Variants in TXK observed in about 807,000 individuals in gnomAD.
TXK encodes the protein TXK tyrosine kinase.
TXK carries 60 observed loss-of-function variants against 81.0 expected under a neutral mutation model. The ratio of observed to expected loss-of-function variants is 0.74; its 90% CI spans 0.60 to 0.92. TXK has a LOEUF of 0.92. Among genes scored for constraint, TXK ranks in the 40% least tolerant of loss-of-function variants. The pLI is 0.00. For missense variants in TXK, 581 were observed against 638.3 expected (o/e 0.91, Z 0.97); for synonymous variants, 203 against 210.7 (o/e 0.96, Z 0.32).
rs576051271 is a variant in TXK, at chr4:48,082,078, G to T, written c.957-1950C>A. Among the ~76,000 whole-genome samples the T allele has an allele frequency of 6.6e-5, 10 of 152,220 alleles. 1 individual carries two copies. Among genetic ancestry groups the T allele is most frequent in the African/African-American group, 2.2e-4 (9 of 41,520 alleles). On this transcript the variant is annotated intron_variant, in intron 10 of 14. Coordinates refer to ENST00000264316, the MANE Select transcript of TXK (RefSeq NM_003328.3). ...TGATAATTATGTTCATTAAGATCAG[G>T]GTTTTTGTGCCCAGATAGTTCACAG...
intron 6 of TXK, among the ~76,000 whole-genome samples, chr4:48,101,081 G>T (rs1718174126): frequency 6.6e-6 from 1 of 152,020 alleles, no homozygotes; most frequent in Admixed American, 6.5e-5. Context: ...GTGGCTTGCA[G>T]ACAAGATGGA....
chr4:48,126,902 C>T (rs1187410991), intron 1 of TXK, among the ~76,000 whole-genome samples: 1 of 152,234 alleles, frequency 6.6e-6, no homozygotes, highest in African/African-American at 2.4e-5. Flanking sequence ...CCTCACAACA[C>T]ATGGCCACAC....
chr4:48,131,328 T>C (rs1719242914), intron 1 of TXK, among the ~76,000 whole-genome samples: 1 of 152,120 alleles, frequency 6.6e-6, no homozygotes, highest in Non-Finnish European at 1.5e-5. Context: ...TTTTTTTTTT[T>C]TTTTTTTAAA....
chr4:48,074,114 A>T, intron 12 of TXK, 61 bp from the exon 13 acceptor site: 1 of 1,310,930 alleles, frequency 7.6e-7, no homozygotes, highest in Non-Finnish European at 1.1e-6. Flanking sequence ...TTTACTTCAA[A>T]TCCCTTTAGT....
intron 6 of TXK, 141 bp from the exon 7 acceptor site, chr4:48,095,363 C>A: frequency 1.6e-6 from 1 of 624,332 alleles, no homozygotes; most frequent in South Asian, 2.1e-5. Context: ...ATTAGATTGT[C>A]TTTACAAGTA....
chr4:48,114,408 A>G lies in TXK; in HGVS notation c.17-6T>C, dbSNP rs774801213. The stretch of plus-strand genomic sequence containing the variant: ...AACCGACTGGATGGTGTTATCTGAA[A>G]AGCAGATCATTTCTCAGCTGTTAGA... On this transcript the variant is annotated splice_region_variant and splice_polypyrimidine_tract_variant and intron_variant, in intron 1 of 14. Coordinates refer to ENST00000264316, the MANE Select transcript of TXK (RefSeq NM_003328.3). 1.2e-6 allele frequency: 2 copies of G among 1,614,132 alleles called. No individual in the cohort carries two copies. The highest frequency in any genetic ancestry group is 1.1e-5 in the South Asian group (1 of 91,084).
At chr4:48,079,037 G>C (rs1717187325) in intron 11 of TXK, among the ~76,000 whole-genome samples, 1 of 152,200 alleles carries the variant, frequency 6.6e-6, no homozygotes, top group Non-Finnish European at 1.5e-5. Context: ...GGCATATTTA[G>C]AGTAAAGCCT....
At chr4:48,121,499 G>A (rs552379578) in intron 1 of TXK, among the ~76,000 whole-genome samples, 1 of 152,270 alleles carries the variant, frequency 6.6e-6, no homozygotes, top group Admixed American at 6.5e-5. Flanking sequence ...ATTGGTTCCA[G>A]ATCCTCCGAC....
chr4:48,091,292 G>T (rs1282241313), intron 8 of TXK, among the ~76,000 whole-genome samples: 1 of 152,182 alleles, frequency 6.6e-6, no homozygotes. Context: ...GGTAACGCAT[G>T]AGATGAAACT....
intron 6 of TXK, among the ~76,000 whole-genome samples, chr4:48,104,530 ATTATATATATT>A (rs1243530773): frequency 1.1e-4 from 1 of 8,768 alleles, no homozygotes; most frequent in Non-Finnish European, 2.7e-4. Flanking sequence ...AATATTATAT[ATTATATATATT>A]TTATATATAT....
chr4:48,127,678 A>T (rs965366620), intron 1 of TXK, among the ~76,000 whole-genome samples: 4 of 152,154 alleles, frequency 2.6e-5, no homozygotes, highest in African/African-American at 9.7e-5. Context: ...CTTTTCATCT[A>T]CTTCTCATTC....
At chr4:48,072,282 C>T (rs923257235) in intron 13 of TXK, among the ~76,000 whole-genome samples, 1 of 152,182 alleles carries the variant, frequency 6.6e-6, no homozygotes. Context: ...GAATTACAAA[C>T]GTAAGCCATC....
chr4:48,095,302 C>A, intron 6 of TXK, 80 bp from the exon 7 acceptor site: 1 of 1,043,032 alleles, frequency 9.6e-7, no homozygotes, highest in Non-Finnish European at 1.4e-6. Context: ...AAAATCAAAG[C>A]TATATTGACT....
intron 8 of TXK, among the ~76,000 whole-genome samples, chr4:48,092,065 G>T (rs888596955): frequency 6.6e-6 from 1 of 152,146 alleles, no homozygotes; most frequent in African/African-American, 2.4e-5. Context: ...CCCTACAAGG[G>T]GCTGGATGAT....
chr4:48,068,863 C>A (rs1478543721), intron 14 of TXK, among the ~76,000 whole-genome samples: 1 of 152,222 alleles, frequency 6.6e-6, no homozygotes, highest in Non-Finnish European at 1.5e-5. Context: ...CAGAAGACAG[C>A]ACAAGTGCAA....
At chr4:48,099,506 T>C (rs1718106378) in intron 6 of TXK, among the ~76,000 whole-genome samples, 2 of 152,200 alleles carry the variant, frequency 1.3e-5, no homozygotes, top group South Asian at 4.1e-4. Flanking sequence ...AAAATTTTTT[T>C]CCCAAATTAA....
intron 10 of TXK, among the ~76,000 whole-genome samples, chr4:48,085,188 G>A (rs772378909): frequency 1.6e-4 from 25 of 152,182 alleles, no homozygotes; most frequent in Non-Finnish European, 3.2e-4. Context: ...GTTCAACTGA[G>A]TCAAAATGCT....
At chr4:48,111,755 T>C (rs906949230) in intron 4 of TXK, among the ~76,000 whole-genome samples, 1 of 152,230 alleles carries the variant, frequency 6.6e-6, no homozygotes, top group Non-Finnish European at 1.5e-5. Flanking sequence ...AGTCCAGATA[T>C]TCCTCAGAAT....
chr4:48,114,238 G>T, intron 2 of TXK, 110 bp downstream of exon 2: 1 of 1,100,090 alleles, frequency 9.1e-7, no homozygotes, highest in Non-Finnish European at 1.3e-6. Flanking sequence ...AATGGGAGAA[G>T]GTTCCCAGGT....
Sources: allele counts gnomAD v4.1 joint callset (sites outside exome capture counted in the v4.1 genomes callset), GRCh38; gene constraint gnomAD v4.1.1; transcripts MANE v1.5; gene names NCBI Gene and HGNC (gene_info 2026-07-23, HGNC 2026-07-21).